Variants in SUGCT observed in about 807,000 individuals in gnomAD.
The protein encoded by SUGCT is succinyl-CoA:glutarate-CoA transferase, also known as succinyl-CoA:glutarate CoA-transferase.
A neutral mutation model predicts 55.0 loss-of-function variants in SUGCT; 41 were observed. The ratio of observed to expected loss-of-function variants is 0.74; its 90% CI spans 0.58 to 0.97. SUGCT has a LOEUF of 0.97. Among genes scored for constraint, SUGCT ranks in the 50% least tolerant of loss-of-function variants. The probability of loss-of-function intolerance (pLI) is 0.00; values close to 1 mark genes in which losing one functional copy is unlikely to be tolerated. For synonymous variants in SUGCT, 187 were observed against 200.4 expected (o/e 0.93, Z 0.56); for missense variants, 568 against 547.8 (o/e 1.04, Z -0.37).
At chr7:40,800,408 C>T (rs559767226) in intron 13 of SUGCT, among the ~76,000 whole-genome samples, 2 of 152,002 alleles carry the variant, frequency 1.3e-5, no homozygotes, top group Admixed American at 6.5e-5. Flanking sequence ...CCTGCCTCAG[C>T]CTCTCGAGTA....
chr7:40,508,325 T>C (rs963213118), intron 12 of SUGCT, among the ~76,000 whole-genome samples: 6 of 152,054 alleles, frequency 3.9e-5, no homozygotes, highest in Admixed American at 1.3e-4. Flanking sequence ...TTCCACCCTA[T>C]GTGTGGGGAT....
At chr7:40,693,634 TA>T (rs1270478776) in intron 12 of SUGCT, among the ~76,000 whole-genome samples, 1 of 152,158 alleles carries the variant, frequency 6.6e-6, no homozygotes, top group Non-Finnish European at 1.5e-5. Flanking sequence ...CACCTGGACA[TA>T]TTTGCTAAAA....
the SUGCT span, among the ~76,000 whole-genome samples, chr7:40,960,517 A>G: frequency 1.9e-4 from 29 of 152,230 alleles, no homozygotes; most frequent in Non-Finnish European, 3.4e-4. Flanking sequence ...CCTGGACAAT[A>G]CATAAGCATT....
In SUGCT at chr7:40,828,117, G is replaced by T. The variant is rs61733279; in HGVS notation, c.1154-32199G>T. On this transcript the variant is annotated intron_variant, in intron 13 of 13. Transcript: ENST00000335693. ...AAGGCTCTGAAATAAAAATAAAAGA[G>T]GTAATTGGAACATGAGAGGATAGAA... 5.4e-3 allele frequency among the ~76,000 whole-genome samples: 820 copies of T among 152,262 alleles called. 5 individuals are homozygous for T. Among genetic ancestry groups the T allele is most frequent in the Non-Finnish European group, 9.3e-3 (635 of 68,020 alleles).
chr7:40,973,672 C>A, the SUGCT span, among the ~76,000 whole-genome samples: 1 of 151,980 alleles, frequency 6.6e-6, no homozygotes, highest in Admixed American at 6.6e-5. Flanking sequence ...GCATGGGAAA[C>A]TCTGTTTTCA....
the SUGCT span, among the ~76,000 whole-genome samples, chr7:41,009,390 G>T: frequency 0.048 from 7,266 of 152,200 alleles, 283 homozygotes; most frequent in Admixed American, 0.078. Context: ...CTGAGTTTAG[G>T]TTCCCAAATC....
At chr7:40,527,042 C>T (rs1262524715) in intron 12 of SUGCT, among the ~76,000 whole-genome samples, 5 of 152,070 alleles carry the variant, frequency 3.3e-5, no homozygotes, top group East Asian at 1.9e-4. Flanking sequence ...CAAATGGCAT[C>T]GCTTATAAAC....
intron 9 of SUGCT, among the ~76,000 whole-genome samples, chr7:40,393,838 C>G (rs1165182646): frequency 6.6e-6 from 1 of 152,138 alleles, no homozygotes; most frequent in Non-Finnish European, 1.5e-5. Flanking sequence ...TGGTTTCAGC[C>G]ATCTGGAGGA....
intron 12 of SUGCT, among the ~76,000 whole-genome samples, chr7:40,583,831 A>G (rs1023059581): frequency 2.0e-5 from 3 of 152,294 alleles, no homozygotes; most frequent in Middle Eastern, 3.4e-3. Flanking sequence ...GCTGCTAACA[A>G]TAAGGGTATT....
At chr7:40,949,631 A>T in the SUGCT span, among the ~76,000 whole-genome samples, 4 of 152,214 alleles carry the variant, frequency 2.6e-5, no homozygotes, top group Non-Finnish European at 4.4e-5. Flanking sequence ...TAATTTTTGT[A>T]TAAGGTGTAA....
the SUGCT span, among the ~76,000 whole-genome samples, chr7:40,887,062 A>G: frequency 6.6e-6 from 1 of 152,196 alleles, no homozygotes; most frequent in South Asian, 2.1e-4. Context: ...TCCTAAGCCC[A>G]TGGAATAGAA....
intron 12 of SUGCT, among the ~76,000 whole-genome samples, chr7:40,727,469 T>G (rs774648162): frequency 3.0e-4 from 46 of 152,138 alleles, no homozygotes; most frequent in Admixed American, 1.4e-3. Context: ...GCCCTGATAG[T>G]TTTTTTATGA....
At chr7:40,898,669 A>G in the SUGCT span, among the ~76,000 whole-genome samples, 2 of 151,914 alleles carry the variant, frequency 1.3e-5, no homozygotes, top group Non-Finnish European at 2.9e-5. Context: ...CCTTGCAGTG[A>G]GCAGAGATCG....
intron 9 of SUGCT, among the ~76,000 whole-genome samples, chr7:40,405,709 C>G (rs1786322983): frequency 6.7e-6 from 1 of 148,704 alleles, no homozygotes; most frequent in African/African-American, 2.5e-5. Flanking sequence ...ACTCGGGAGG[C>G]TGAGGCAGGA....
At chr7:40,962,565 T>TCACACA in the SUGCT span, among the ~76,000 whole-genome samples, 144 of 136,116 alleles carry the variant, frequency 1.1e-3, no homozygotes, top group South Asian at 5.4e-3. Flanking sequence ...CAAAGGTAAA[T>TCACACA]CACACACACA....
Position 40,362,860 on chromosome 7 carries a change from A to T in SUGCT, c.816+46005A>T, listed in dbSNP as rs1243547623. Among the ~76,000 whole-genome samples the T allele has an allele frequency of 2.0e-5, 3 of 152,202 alleles. No homozygotes were observed. In the East Asian group the frequency reaches 5.8e-4, roughly 29 times the overall value. ...TGTGATTAGAATGTGGCTTTTAGCC[A>T]TTCTATTTCTAAAGTGCAATTTTGT... is the stretch of plus-strand genomic sequence containing the variant. On this transcript the variant is annotated intron_variant, in intron 9 of 13. Coordinates refer to ENST00000335693, the MANE Select transcript of SUGCT (RefSeq NM_001193313.2).
rs1413121776 is a variant in SUGCT at position 40,195,073 on chromosome 7, C to T, written c.484+13C>T. On this transcript the variant is annotated intron_variant, in intron 6 of 13. Transcript: ENST00000335693. ...TGTTCCATCACAGGTATTTCAACCC[C>T]ACACCCTTGTCAGTTAAAAGGTTTT... The T allele has an allele frequency of 2.5e-6, 4 of 1,607,018 alleles. No homozygotes were observed. Among genetic ancestry groups the T allele is most frequent in the Non-Finnish European group, 3.4e-6 (4 of 1,176,478 alleles).
chr7:40,153,725 G>C (rs529287447), intron 1 of SUGCT: 1 of 478,408 alleles, frequency 2.1e-6, no homozygotes, highest in East Asian at 5.7e-5. Context: ...GTTGTGAATA[G>C]AGCAGCAAAC....
chr7:40,675,939 G>A (rs1292249439), intron 12 of SUGCT, among the ~76,000 whole-genome samples: 1 of 152,198 alleles, frequency 6.6e-6, no homozygotes. Context: ...TGTGGCCGCA[G>A]TCAGATTGGA....
Sources: gnomAD v4.1 joint callset for allele counts (sites outside exome capture counted in the v4.1 genomes callset) on GRCh38, gnomAD v4.1.1 for gene constraint, MANE v1.5 for transcripts, NCBI Gene and HGNC (gene_info 2026-07-23, HGNC 2026-07-21) for gene names.